The following IGF2BP1 variants were observed in gnomAD, a reference collection of about 807,000 sequenced individuals.
IGF2BP1 encodes the protein insulin like growth factor 2 mRNA binding protein 1.
A neutral mutation model predicts 74.9 loss-of-function variants in IGF2BP1; 11 were observed. The observed-to-expected ratio is 0.15, with a 90% confidence interval of 0.09 to 0.24. The LOEUF is 0.24. Among genes scored for constraint, IGF2BP1 ranks in the 10% least tolerant of loss-of-function variants. IGF2BP1 has a pLI of 1.00. For missense variants in IGF2BP1, 440 were observed against 757.4 expected (o/e 0.58, Z 4.92); for synonymous variants, 287 against 281.8 (o/e 1.02, Z -0.18).
intron 2 of IGF2BP1, chr17:49,014,673 T>C: frequency 3.1e-6 from 2 of 648,776 alleles, no homozygotes; most frequent in Non-Finnish European, 1.9e-6. Flanking sequence ...GGTTGGCAGC[T>C]AGGGGGAGAC....
At chr17:49,027,621 G>C (rs1488262631) in intron 4 of IGF2BP1, among the ~76,000 whole-genome samples, 2 of 152,008 alleles carry the variant, frequency 1.3e-5, no homozygotes, top group African/African-American at 4.8e-5. Context: ...GGGAGGCCGA[G>C]GCAGGCGGAT....
At position 49,018,397 on chromosome 17, in the gene IGF2BP1, G is replaced by C. The variant is rs140342257; in HGVS notation, c.237-7221G>C. The stretch of plus-strand genomic sequence containing the variant: ...CCTGGGAACCCCAAACTGGCTCCCA[G>C]TCTAGCTTTGTTGTCTAATTGCCTC... On this transcript the variant is annotated intron_variant, in intron 2 of 14. Coordinates refer to ENST00000290341, the MANE Select transcript of IGF2BP1 (RefSeq NM_006546.4). Among the ~76,000 whole-genome samples, 485 of 152,294 alleles carry C rather than the reference G, an allele frequency of 3.2e-3. 2 individuals carry two copies. The highest frequency in any genetic ancestry group is 6.8e-3 in the Middle Eastern group (2 of 292).
chr17:49,047,215 T>G (rs2042116470), intron 14 of IGF2BP1, among the ~76,000 whole-genome samples: 1 of 152,128 alleles, frequency 6.6e-6, no homozygotes, highest in Non-Finnish European at 1.5e-5. Context: ...CCAGGGAGCT[T>G]TGACCTCAAA....
Position 49,046,008 on chromosome 17 carries a change from A to G in IGF2BP1, c.1514A>G (p.Lys505Arg). The G allele has an allele frequency of 6.2e-7, 1 of 1,614,108 alleles. No homozygotes were observed. Among genetic ancestry groups the G allele is most frequent in the Non-Finnish European group, 8.5e-7 (1 of 1,180,018 alleles). ...PASAAGRVIG[K>R]GGKTVNELQN... Reference sequence around the variant, plus strand: ...TCAGCAGCTGGCCGGGTCATTGGCAAAGGTGGAAAAACGGTGAGCTGTGAG... The same window carrying G: ...TCAGCAGCTGGCCGGGTCATTGGCAGAGGTGGAAAAACGGTGAGCTGTGAG... Residue 505 changes from lysine to arginine, a missense_variant, in exon 13 of 15, where the codon AAA becomes AGA. By Grantham distance (26) the Lys-to-Arg change is conservative. Coordinates refer to ENST00000290341, the MANE Select transcript of IGF2BP1 (RefSeq NM_006546.4).
intron 2 of IGF2BP1, among the ~76,000 whole-genome samples, chr17:49,022,523 G>A (rs1170684366): frequency 6.6e-6 from 1 of 152,064 alleles, no homozygotes; most frequent in Non-Finnish European, 1.5e-5. Context: ...TACCCTGGAG[G>A]GCTGGGTGAG....
rs771227164 is a variant in IGF2BP1, at chr17:49,042,342, C to T, written c.1042C>T (p.Arg348Trp). 1.5e-5 allele frequency: 25 copies of T among 1,613,768 alleles called. No homozygotes were observed. The highest frequency in any genetic ancestry group is 2.7e-5 in the African/African-American group (2 of 74,804). Residue 348 changes from arginine (R) to tryptophan (W), a missense_variant, in exon 9 of 15, where the codon CGG (arginine) becomes TGG (tryptophan). Physicochemically the swap from Arg to Trp is moderately radical, Grantham distance 101. Transcript: ENST00000290341. The stretch of plus-strand genomic sequence containing the variant: ...CGAGCAGGAAATAATGAAGAAAGTT[C>T]GGGAGGCCTATGAGAATGATGTGGC... ...RAEQEIMKKV[R>W]EAYENDVAAM...
rs1056330878 is a variant in IGF2BP1 at position 49,026,358 on chromosome 17, A to G, written c.286-108A>G. 15 of 928,750 alleles carry G rather than the reference A, an allele frequency of 1.6e-5. No homozygotes were observed. In the African/African-American group the frequency reaches 1.9e-4, roughly 12 times the overall value. 57.5% of individuals were successfully genotyped at this position (928,750 alleles called of 1,614,324 possible). ...CAGGTAATAATGCTCAAACACTCCT[A>G]TGGCTCTGTCAATGCCCGATTGCTT... On this transcript the variant is annotated intron_variant, in intron 3 of 14. Transcript: ENST00000290341.
Position 49,040,135 on chromosome 17 carries a change from A to G in IGF2BP1, c.818+44A>G, listed in dbSNP as rs117200749. ...TTGGATCTTCAGGGTCTGCTAGTCC[A>G]GTTGAGCCTCCCCAACTCAACTTTC... On this transcript the variant is annotated intron_variant, in intron 7 of 14. Transcript: ENST00000290341. The G allele has an allele frequency of 1.0e-3, 1,668 of 1,605,876 alleles. 25 individuals carry two copies. The East Asian group carries it at 0.033, about 32-fold the overall frequency.
intron 2 of IGF2BP1, among the ~76,000 whole-genome samples, chr17:49,010,552 G>A (rs1024304413): frequency 6.6e-6 from 1 of 151,876 alleles, no homozygotes; most frequent in African/African-American, 2.4e-5. Flanking sequence ...TCCTGACCTC[G>A]TGATCTGCCC....
chr17:49,013,892 GC>G (rs201539421), intron 2 of IGF2BP1: 2,993 of 152,482 alleles, frequency 0.02, 38 homozygotes, highest in Middle Eastern at 0.088. Context: ...GCCCAAGGGG[GC>G]TTTGGCGGTA....
At position 49,035,605 on chromosome 17, in the gene IGF2BP1, G is replaced by T. The variant is rs920456116; in HGVS notation, c.402-2563G>T. On this transcript the variant is annotated intron_variant, in intron 5 of 14. Coordinates refer to ENST00000290341, the MANE Select transcript of IGF2BP1 (RefSeq NM_006546.4). ...CACACATGTGGGGCCCCACCACATGGCGCCTCCCTGCGGGCGTGCACCTGC... is the reference window on the plus strand; with the variant it reads ...CACACATGTGGGGCCCCACCACATGTCGCCTCCCTGCGGGCGTGCACCTGC... 1.3e-5 allele frequency among the ~76,000 whole-genome samples: 2 copies of T among 152,168 alleles called. 1 individual carries two copies. The highest frequency in any genetic ancestry group is 4.1e-4 in the South Asian group (2 of 4,832).
At chr17:49,026,740 C>T (rs1455809935) in intron 4 of IGF2BP1, among the ~76,000 whole-genome samples, 1 of 90,414 alleles carries the variant, frequency 1.1e-5, no homozygotes, top group African/African-American at 4.5e-5. Flanking sequence ...TGCCTTCCTG[C>T]CTGCCTTCCT....
At chr17:49,042,457 A>C in intron 9 of IGF2BP1, 80 bp downstream of exon 9, 1 of 1,506,122 alleles carries the variant, frequency 6.6e-7, no homozygotes, top group Non-Finnish European at 9.2e-7. Flanking sequence ...GGTGATGGAC[A>C]TGTGCCCTGT....
intron 5 of IGF2BP1, among the ~76,000 whole-genome samples, chr17:49,036,172 A>T (rs1249181007): frequency 3.9e-5 from 6 of 152,018 alleles, no homozygotes; most frequent in African/African-American, 1.5e-4. Flanking sequence ...GTAATTTTGA[A>T]AGTTAGCTTT....
Position 49,027,777 on chromosome 17 carries a change from G to A in IGF2BP1, c.337+1260G>A, listed in dbSNP as rs369382973. ...TGAGGCAGGAGAATGGCGTGAACCCGGGAGGCGGAGCTTGCAGTGAGCAGA... is the reference window on the plus strand; with the variant it reads ...TGAGGCAGGAGAATGGCGTGAACCCAGGAGGCGGAGCTTGCAGTGAGCAGA... On this transcript the variant is annotated intron_variant, in intron 4 of 14. Coordinates refer to ENST00000290341, the MANE Select transcript of IGF2BP1 (RefSeq NM_006546.4). Among the ~76,000 whole-genome samples, 533 of 147,472 alleles carry A rather than the reference G, an allele frequency of 3.6e-3. 7 individuals carry two copies. Among genetic ancestry groups the A allele is most frequent in the African/African-American group, 0.012 (495 of 39,878 alleles).
At chr17:49,006,683 T>C (rs1474027413) in intron 2 of IGF2BP1, among the ~76,000 whole-genome samples, 1 of 152,214 alleles carries the variant, frequency 6.6e-6, no homozygotes, top group African/African-American at 2.4e-5. Context: ...GTGTGTCAGC[T>C]TGGGCTATAT....
chr17:49,021,268 A>G (rs1055398572), intron 2 of IGF2BP1, among the ~76,000 whole-genome samples: 1 of 152,004 alleles, frequency 6.6e-6, no homozygotes, highest in Non-Finnish European at 1.5e-5. Context: ...GCCCAGGGAG[A>G]GTTCCCAACC....
At chr17:49,011,980 T>C (rs1284610566) in intron 2 of IGF2BP1, among the ~76,000 whole-genome samples, 1 of 146,990 alleles carries the variant, frequency 6.8e-6, no homozygotes, top group African/African-American at 2.5e-5. Context: ...CAATCTCGGC[T>C]CACTACATAC....
chr17:49,031,842 A>C, intron 4 of IGF2BP1, 68 bp from the exon 5 acceptor site: 1 of 1,356,930 alleles, frequency 7.4e-7, no homozygotes, highest in Admixed American at 1.8e-5. Context: ...GGAAAGCTGG[A>C]GTTGGGGATT....
Sources: allele counts gnomAD v4.1 joint callset (sites outside exome capture counted in the v4.1 genomes callset), GRCh38; gene constraint gnomAD v4.1.1; transcripts MANE v1.5; gene names NCBI Gene and HGNC (gene_info 2026-07-23, HGNC 2026-07-21).